The following DUXA variants were observed in gnomAD, a reference collection of about 807,000 sequenced individuals.
DUXA encodes the protein double homeobox A, also known as double homeobox protein A.
DUXA carries 25 observed loss-of-function variants against 27.5 expected under a neutral mutation model. The ratio of observed to expected loss-of-function variants is 0.91; its 90% confidence interval spans 0.66 to 1.27. The LOEUF is 1.27. Among genes scored for constraint, DUXA ranks in the 50% most tolerant of loss-of-function variants. DUXA has a pLI of 0.00. For missense variants in DUXA, 247 were observed against 242.9 expected (o/e 1.02, Z -0.11); for synonymous variants, 90 against 80.5 (o/e 1.12, Z -0.63).
intron 4 of DUXA, among the ~76,000 whole-genome samples, chr19:57,155,829 C>T (rs368423351): frequency 1.4e-3 from 214 of 152,108 alleles, no homozygotes; most frequent in African/African-American, 4.8e-3. Flanking sequence ...CCACCATACC[C>T]GGCTAATTTT....
chr19:57,156,210 C>G (rs962191955), intron 4 of DUXA, among the ~76,000 whole-genome samples: 6 of 152,112 alleles, frequency 3.9e-5, no homozygotes, highest in African/African-American at 1.4e-4. Context: ...CATTTTACTT[C>G]CAATTCCCAG....
At chr19:57,156,363 T>C (rs963804133) in intron 4 of DUXA, among the ~76,000 whole-genome samples, 2 of 152,194 alleles carry the variant, frequency 1.3e-5, no homozygotes, top group Admixed American at 1.3e-4. Context: ...AGTTCATATA[T>C]ACTTGTACGC....
At chr19:57,165,885 G>A (rs989580638) in intron 1 of DUXA, among the ~76,000 whole-genome samples, 5 of 151,638 alleles carry the variant, frequency 3.3e-5, no homozygotes, top group African/African-American at 1.2e-4. Flanking sequence ...TTAAGGAGCT[G>A]AAAGATATCA....
At chr19:57,165,324 A>AATATATATATATATATATATATAT (rs74179420) in intron 1 of DUXA, among the ~76,000 whole-genome samples, 14 of 89,230 alleles carry the variant, frequency 1.6e-4, no homozygotes, top group East Asian at 6.1e-4. Context: ...AAAAAAAAAA[A>AATATATATATATATATATATATAT]ATATATATAT....
chr19:57,161,235 A>G (rs143358804), intron 1 of DUXA, among the ~76,000 whole-genome samples: 2,190 of 148,776 alleles, frequency 0.015, 56 homozygotes, highest in African/African-American at 0.05. Context: ...GGAGGCAGCA[A>G]AATCGCTTGA....
rs1428412631 is a variant in DUXA at position 57,160,518 on chromosome 19, T to C, written c.180+125A>G. On this transcript the variant is annotated intron_variant, in intron 2 of 5. Coordinates refer to ENST00000554048, the MANE Select transcript of DUXA (RefSeq NM_001012729.2). ...TAAGACCAACACCTTCGTGGGTTTA[T>C]TGAGGGTCAGTTGAGATACTCCCTA... 8 of 1,163,378 alleles carry C rather than the reference T, an allele frequency of 6.9e-6. No individual in the cohort carries two copies. In the Admixed American group the frequency reaches 1.2e-4, roughly 17 times the overall value. 72.1% of individuals were successfully genotyped at this position (1,163,378 alleles called of 1,614,324 possible).
chr19:57,166,587 C>T (rs1165469839), intron 1 of DUXA, among the ~76,000 whole-genome samples: 4 of 152,182 alleles, frequency 2.6e-5, no homozygotes, highest in Admixed American at 6.5e-5. Flanking sequence ...GGATTACAGG[C>T]GTGAGCCACG....
intron 4 of DUXA, among the ~76,000 whole-genome samples, chr19:57,157,800 G>C (rs2086999632): frequency 6.6e-6 from 1 of 151,944 alleles, no homozygotes; most frequent in Non-Finnish European, 1.5e-5. Context: ...AGATCAGACT[G>C]GGCAACATGG....
At chr19:57,156,832 A>AT (rs1404244166) in intron 4 of DUXA, among the ~76,000 whole-genome samples, 1 of 152,050 alleles carries the variant, frequency 6.6e-6, no homozygotes, top group East Asian at 1.9e-4. Flanking sequence ...GCCCAGCTAA[A>AT]TTTTTGTATT....
chr19:57,162,039 C>T (rs947933736), intron 1 of DUXA, among the ~76,000 whole-genome samples: 1 of 152,000 alleles, frequency 6.6e-6, no homozygotes, highest in Non-Finnish European at 1.5e-5. Flanking sequence ...TACAGGTGCA[C>T]ACCCCCACAC....
intron 5 of DUXA, among the ~76,000 whole-genome samples, chr19:57,154,842 C>G (rs576332966): frequency 2.0e-5 from 3 of 152,174 alleles, no homozygotes. Context: ...GGATTACAGG[C>G]GTGAGCCTCC....
At chr19:57,158,590 ACTC>A in intron 3 of DUXA, 117 bp from the exon 4 acceptor site, 1 of 1,258,718 alleles carries the variant, frequency 7.9e-7, no homozygotes, top group South Asian at 1.5e-5. Flanking sequence ...GATCCCACTG[ACTC>A]CTCCTGAGAG....
In DUXA at chr19:57,154,408, G is replaced by C. The variant is rs1416760664; in HGVS notation, c.*4C>G. 6.2e-7 allele frequency: 1 copy of C among 1,613,076 alleles called. No individual in the cohort carries two copies. The highest frequency in any genetic ancestry group is 8.5e-7 in the Non-Finnish European group (1 of 1,179,174). ...ATTATCAAGTACACTGAATTTGACTGTGTTCACCACGTTCTGGCTCCAGAG... is the reference window on the plus strand; with the variant it reads ...ATTATCAAGTACACTGAATTTGACTCTGTTCACCACGTTCTGGCTCCAGAG... On this transcript the variant is annotated 3_prime_UTR_variant, in exon 6 of 6. Coordinates refer to ENST00000554048, the MANE Select transcript of DUXA (RefSeq NM_001012729.2).
At chr19:57,165,744 G>A (rs1350968009) in intron 1 of DUXA, among the ~76,000 whole-genome samples, 4 of 145,496 alleles carry the variant, frequency 2.7e-5, no homozygotes, top group Non-Finnish European at 6.0e-5. Flanking sequence ...GGCAGAGCTT[G>A]CAGTGAGCCG....
intron 1 of DUXA, among the ~76,000 whole-genome samples, chr19:57,164,436 A>G (rs1398354702): frequency 6.6e-6 from 1 of 152,106 alleles, no homozygotes; most frequent in African/African-American, 2.4e-5. Flanking sequence ...TTAGCCAGGC[A>G]TGGTGGTGCA....
In DUXA at chr19:57,160,756, T is replaced by G. The variant is rs2087016446; in HGVS notation, c.67A>C (p.Thr23Pro). 6.2e-7 allele frequency: 1 copy of G among 1,614,220 alleles called. No individual in the cohort carries two copies. Among genetic ancestry groups the G allele is most frequent in the African/African-American group, 1.3e-5 (1 of 75,066 alleles). Residue 23 changes from threonine (T) to proline (P), a missense_variant, in exon 2 of 6, where the codon ACA (threonine) becomes CCA (proline). Physicochemically the swap from Thr to Pro is conservative, Grantham distance 38. Coordinates refer to ENST00000554048, the MANE Select transcript of DUXA (RefSeq NM_001012729.2). ...ATGAGGATTTTCAACTGTTCTTCTG[T>G]GAATTTTGTGCGACAGCGCCTATGA... Reference protein sequence around the residue: ...TNHRRCRTKFTEEQLKILINT... With the variant: ...TNHRRCRTKFPEEQLKILINT...
chr19:57,161,417 A>T (rs1053882113), intron 1 of DUXA, among the ~76,000 whole-genome samples: 15 of 148,620 alleles, frequency 1.0e-4, no homozygotes, highest in Admixed American at 6.7e-5. Flanking sequence ...AGGTCAGGAG[A>T]TCGAGACCAT....
At chr19:57,160,926 T>C in intron 1 of DUXA, 129 bp from the exon 2 acceptor site, 1 of 1,030,296 alleles carries the variant, frequency 9.7e-7, no homozygotes, top group South Asian at 1.6e-5. Flanking sequence ...ACTACCCTCA[T>C]ACAAGTATGG....
intron 1 of DUXA, among the ~76,000 whole-genome samples, chr19:57,165,324 A>AAATATATATATAT (rs1491567041): frequency 2.6e-4 from 23 of 89,266 alleles, no homozygotes; most frequent in South Asian, 7.6e-4. Flanking sequence ...AAAAAAAAAA[A>AAATATATATATAT]ATATATATAT....
Sources: allele counts gnomAD v4.1 joint callset (sites outside exome capture counted in the v4.1 genomes callset), GRCh38; gene constraint gnomAD v4.1.1; transcripts MANE v1.5; gene names NCBI Gene and HGNC (gene_info 2026-07-23, HGNC 2026-07-21).